Variants in FAM184B observed in about 807,000 individuals in gnomAD.
FAM184B encodes family with sequence similarity 184 member B.
In FAM184B, 111 loss-of-function variants were observed where a neutral mutation model predicts 135.9. The observed-to-expected ratio is 0.82, with a 90% confidence interval of 0.70 to 0.96. FAM184B has a LOEUF of 0.96. Among genes scored for constraint, FAM184B ranks in the 40% least tolerant of loss-of-function variants. The pLI is 0.00. For missense variants in FAM184B, 1,375 were observed against 1,323.9 expected (o/e 1.04, Z -0.60); for synonymous variants, 552 against 524.8 (o/e 1.05, Z -0.71).
intron 1 of FAM184B, among the ~76,000 whole-genome samples, chr4:17,767,531 T>G (rs1718727663): frequency 6.6e-6 from 1 of 152,242 alleles, no homozygotes; most frequent in African/African-American, 2.4e-5. Context: ...TTTAGGAGAA[T>G]TCTGAACTAA....
intron 1 of FAM184B, among the ~76,000 whole-genome samples, chr4:17,766,268 AT>A: frequency 1.3e-5 from 2 of 152,302 alleles, no homozygotes; most frequent in Admixed American, 1.3e-4. Context: ...CAGGGTGCTG[AT>A]TGGTGCGTTT....
intron 1 of FAM184B, among the ~76,000 whole-genome samples, chr4:17,763,371 T>C (rs1198930076): frequency 6.6e-6 from 1 of 151,830 alleles, no homozygotes; most frequent in East Asian, 1.9e-4. Context: ...AGGTCTGCTT[T>C]CCTGGCCTAG....
At chr4:17,692,274 G>T (rs1056289431) in intron 6 of FAM184B, among the ~76,000 whole-genome samples, 2 of 152,062 alleles carry the variant, frequency 1.3e-5, no homozygotes, top group African/African-American at 2.4e-5. Context: ...ATAGAGAAAG[G>T]CTTCTTTGCT....
intron 7 of FAM184B, among the ~76,000 whole-genome samples, chr4:17,676,910 A>T (rs1577256772): frequency 6.6e-6 from 1 of 152,220 alleles, no homozygotes; most frequent in Non-Finnish European, 1.5e-5. Context: ...AGGTTTGTGT[A>T]AGTACACTCT....
intron 7 of FAM184B, among the ~76,000 whole-genome samples, chr4:17,678,245 A>T (rs1716359821): frequency 6.6e-6 from 1 of 152,214 alleles, no homozygotes; most frequent in Non-Finnish European, 1.5e-5. Flanking sequence ...CTGTTTGCTG[A>T]TGATATGATC....
At chr4:17,705,280 TACA>T in intron 4 of FAM184B, 74 bp from the exon 5 acceptor site, 2 of 1,093,094 alleles carry the variant, frequency 1.8e-6, no homozygotes, top group Non-Finnish European at 1.3e-6. Flanking sequence ...TTCCCTTTCA[TACA>T]ACTTTTACAA....
chr4:17,653,133 A>G (rs901577703), intron 10 of FAM184B, 150 bp from the exon 11 acceptor site: 28 of 794,118 alleles, frequency 3.5e-5, no homozygotes, highest in Non-Finnish European at 5.7e-5. Flanking sequence ...TGCTGTAGCA[A>G]TGGCCTGGCC....
chr4:17,664,787 C>T (rs916548270), intron 7 of FAM184B, 128 bp from the exon 8 acceptor site: 13 of 710,204 alleles, frequency 1.8e-5, no homozygotes, highest in Admixed American at 8.6e-5. Flanking sequence ...AACCCACTAT[C>T]GGTGCCCTGC....
chr4:17,643,482 T>C (rs1455372609), intron 12 of FAM184B, among the ~76,000 whole-genome samples: 1 of 151,982 alleles, frequency 6.6e-6, no homozygotes, highest in African/African-American at 2.4e-5. Flanking sequence ...GCTCCTTGGC[T>C]TCTATCCAGA....
rs1432101632 is a variant in FAM184B at position 17,762,035 on chromosome 4, TTTTGTTTTG to T, written c.141+19115_141+19123del. On this transcript the variant is annotated intron_variant, in intron 1 of 17. Coordinates refer to ENST00000265018, the MANE Select transcript of FAM184B (RefSeq NM_015688.2). Reference sequence around the variant, plus strand: ...GGGCTCTTCATTTTGTTTTGTTTTGTTTTGTTTTGATATGTCCTTCTCTTCTCCCTCTGC... The same window carrying T: ...GGGCTCTTCATTTTGTTTTGTTTTGTATATGTCCTTCTCTTCTCCCTCTGC... Among the ~76,000 whole-genome samples the T allele has an allele frequency of 6.5e-3, 959 of 147,062 alleles. 10 individuals carry two copies. Among genetic ancestry groups the T allele is most frequent in the African/African-American group, 0.025 (918 of 36,552 alleles).
intron 7 of FAM184B, among the ~76,000 whole-genome samples, chr4:17,687,489 A>G (rs1384541461): frequency 6.6e-6 from 1 of 152,142 alleles, no homozygotes; most frequent in Non-Finnish European, 1.5e-5. Flanking sequence ...CTGTGTCCCT[A>G]AGAAGATATG....
rs756998376 is a variant in FAM184B, at chr4:17,705,225, C to A, written c.1171-19G>T. The A allele has an allele frequency of 4.9e-5, 75 of 1,537,974 alleles. 1 individual carries two copies. The highest frequency in any genetic ancestry group is 5.9e-5 in the Non-Finnish European group (67 of 1,136,986). On this transcript the variant is annotated intron_variant, in intron 4 of 17. Transcript: ENST00000265018. ...TCTTGGTCTATAAAAAGAAAAAGGA[C>A]CTTGTAAAACCACTGGGGAGGGGTG...
At chr4:17,714,910 C>T (rs1399471064) in intron 1 of FAM184B, among the ~76,000 whole-genome samples, 11 of 152,090 alleles carry the variant, frequency 7.2e-5, no homozygotes, top group African/African-American at 2.7e-4. Context: ...AATGTGGTAT[C>T]CCTTGGGGAC....
chr4:17,750,195 C>T lies in FAM184B; in HGVS notation c.141+30964G>A, dbSNP rs61472174. The stretch of plus-strand genomic sequence containing the variant: ...AAAACTGCTTTTGAAAATAGTCATG[C>T]GATTTCCTATCACCACCAGCTTAAA... On this transcript the variant is annotated intron_variant, in intron 1 of 17. Coordinates refer to ENST00000265018, the MANE Select transcript of FAM184B (RefSeq NM_015688.2). Among the ~76,000 whole-genome samples the T allele has an allele frequency of 3.7e-4, 57 of 152,246 alleles. No individual in the cohort carries two copies. The East Asian group carries it at 0.01, about 27-fold the overall frequency.
At chr4:17,700,089 A>G (rs1291237696) in intron 5 of FAM184B, among the ~76,000 whole-genome samples, 1 of 152,196 alleles carries the variant, frequency 6.6e-6, no homozygotes, top group Non-Finnish European at 1.5e-5. Context: ...GTGGAGCTAG[A>G]AAATGGAATA....
At chr4:17,768,674 C>T (rs774595116) in intron 1 of FAM184B, among the ~76,000 whole-genome samples, 10 of 152,076 alleles carry the variant, frequency 6.6e-5, no homozygotes, top group Admixed American at 2.0e-4. Flanking sequence ...CAAATGACGT[C>T]GAATAAGAGG....
intron 1 of FAM184B, among the ~76,000 whole-genome samples, chr4:17,722,802 C>A (rs959834528): frequency 6.6e-6 from 1 of 152,134 alleles, no homozygotes; most frequent in Non-Finnish European, 1.5e-5. Context: ...TTGGAAAGCA[C>A]CTTTGGTTGG....
intron 6 of FAM184B, among the ~76,000 whole-genome samples, chr4:17,691,461 G>T (rs1383989000): frequency 6.6e-6 from 1 of 151,808 alleles, no homozygotes; most frequent in Non-Finnish European, 1.5e-5. Flanking sequence ...AGAGATGGGT[G>T]GATCACCTGA....
chr4:17,752,999 A>T (rs936754185), intron 1 of FAM184B, among the ~76,000 whole-genome samples: 12 of 152,322 alleles, frequency 7.9e-5, no homozygotes, highest in African/African-American at 2.6e-4. Context: ...ATTTGCTTGT[A>T]CTTTCTTCAG....
Sources: allele counts gnomAD v4.1 joint callset (sites outside exome capture counted in the v4.1 genomes callset), GRCh38; gene constraint gnomAD v4.1.1; transcripts MANE v1.5; gene names NCBI Gene and HGNC (gene_info 2026-07-23, HGNC 2026-07-21).